Variants in CDH8 observed in about 807,000 individuals in gnomAD.
The protein encoded by CDH8 is cadherin-8.
A neutral mutation model predicts 68.1 loss-of-function variants in CDH8; 17 were observed. That is an observed-to-expected ratio of 0.25 (90% confidence interval 0.17 to 0.37). The LOEUF is 0.37. Ranked by LOEUF, CDH8 falls within the 10% of genes least tolerant of loss-of-function variation. CDH8 has a pLI of 1.00. For missense variants in CDH8, 763 were observed against 999.3 expected, an observed-to-expected ratio of 0.76 and a Z score of 3.19; for synonymous variants, 372 against 365.1, an observed-to-expected ratio of 1.02 and a Z score of -0.21.
intron 2 of CDH8, among the ~76,000 whole-genome samples, chr16:61,957,617 T>C (rs1965008380): frequency 6.6e-6 from 1 of 152,166 alleles, no homozygotes; most frequent in Non-Finnish European, 1.5e-5. Context: ...AACATACATA[T>C]GCTCACACAT....
chr16:61,973,261 A>G (rs1965375749), intron 2 of CDH8, among the ~76,000 whole-genome samples: 2 of 152,160 alleles, frequency 1.3e-5, no homozygotes, highest in South Asian at 4.1e-4. Context: ...ATCCACTTCC[A>G]CTTAATGAAT....
chr16:61,667,340 G>A (rs1310020539), intron 10 of CDH8: 2 of 151,968 alleles, frequency 1.3e-5, no homozygotes, highest in African/African-American at 4.8e-5. Flanking sequence ...GGATTCCTGT[G>A]GAAGTTCCTA....
chr16:62,015,110 T>C (rs1365483969), intron 2 of CDH8, among the ~76,000 whole-genome samples: 1 of 152,076 alleles, frequency 6.6e-6, no homozygotes, highest in Non-Finnish European at 1.5e-5. Flanking sequence ...AGCACTGACA[T>C]GACACTAGAA....
intron 7 of CDH8, among the ~76,000 whole-genome samples, chr16:61,801,234 G>C (rs1961619234): frequency 6.6e-6 from 1 of 152,112 alleles, no homozygotes; most frequent in East Asian, 1.9e-4. Flanking sequence ...CATGTAATTT[G>C]ATTATTATTT....
At chr16:61,745,977 A>T (rs1271415783) in intron 8 of CDH8, among the ~76,000 whole-genome samples, 1 of 152,102 alleles carries the variant, frequency 6.6e-6, no homozygotes, top group East Asian at 1.9e-4. Context: ...ATGTTTAGAT[A>T]GATCAATTTG....
intron 3 of CDH8, among the ~76,000 whole-genome samples, chr16:61,885,419 T>A (rs1396727253): frequency 6.6e-6 from 1 of 152,198 alleles, no homozygotes; most frequent in African/African-American, 2.4e-5. Context: ...TCTATGTTCA[T>A]GAGAAATCTA....
At chr16:61,885,649 A>T (rs1001727202) in intron 3 of CDH8, among the ~76,000 whole-genome samples, 1 of 151,300 alleles carries the variant, frequency 6.6e-6, no homozygotes, top group Non-Finnish European at 1.5e-5. Context: ...GAATTGTTTG[A>T]TATTATTTCA....
intron 10 of CDH8, 60 bp from the exon 11 acceptor site, chr16:61,655,781 C>G: frequency 6.8e-7 from 1 of 1,478,012 alleles, no homozygotes; most frequent in Admixed American, 1.7e-5. Flanking sequence ...CCAAATAACA[C>G]TTGTTTTTCT....
chr16:61,667,890 A>T (rs1470210867), intron 10 of CDH8, among the ~76,000 whole-genome samples: 1 of 152,048 alleles, frequency 6.6e-6, no homozygotes, highest in East Asian at 1.9e-4. Flanking sequence ...AAAAATTACA[A>T]CCTAGTTCAG....
chr16:61,811,781 G>A (rs1331923054), intron 7 of CDH8, among the ~76,000 whole-genome samples: 3 of 152,064 alleles, frequency 2.0e-5, no homozygotes, highest in Non-Finnish European at 4.4e-5. Flanking sequence ...ATTCTACTAA[G>A]AGATATAATC....
intron 8 of CDH8, among the ~76,000 whole-genome samples, chr16:61,784,818 A>G (rs549748548): frequency 1.2e-3 from 183 of 152,232 alleles, no homozygotes; most frequent in Admixed American, 1.4e-3. Context: ...GAAACTGAAC[A>G]ACCTGCTCCT....
intron 8 of CDH8, among the ~76,000 whole-genome samples, chr16:61,788,724 C>G (rs989849253): frequency 6.6e-6 from 1 of 151,840 alleles, no homozygotes; most frequent in Non-Finnish European, 1.5e-5. Flanking sequence ...TTTAACAACC[C>G]TAGACTCTCC....
At chr16:61,935,660 G>T (rs1297205557) in intron 2 of CDH8, among the ~76,000 whole-genome samples, 1 of 151,802 alleles carries the variant, frequency 6.6e-6, no homozygotes, top group Non-Finnish European at 1.5e-5. Flanking sequence ...TTGGCTTTAT[G>T]CTTATTATTT....
chr16:61,655,118 C>T (rs1963412677), intron 11 of CDH8, among the ~76,000 whole-genome samples: 1 of 152,194 alleles, frequency 6.6e-6, no homozygotes, highest in Non-Finnish European at 1.5e-5. Flanking sequence ...ATAGTAGAGC[C>T]TGCTGTTGCA....
chr16:61,721,713 G>T (rs554594469), intron 9 of CDH8, among the ~76,000 whole-genome samples: 1 of 150,906 alleles, frequency 6.6e-6, no homozygotes, highest in Non-Finnish European at 1.5e-5. Flanking sequence ...TATAAGAGAT[G>T]TGTCACACAG....
intron 10 of CDH8, among the ~76,000 whole-genome samples, chr16:61,706,222 G>T (rs886582769): frequency 6.6e-6 from 1 of 152,230 alleles, no homozygotes; most frequent in African/African-American, 2.4e-5. Context: ...GATAAGGGAA[G>T]CCAATACCTG....
intron 9 of CDH8, chr16:61,726,498 TCA>T (rs1959372922): frequency 1.3e-5 from 2 of 149,938 alleles, no homozygotes; most frequent in African/African-American, 4.9e-5. Flanking sequence ...TCCCTCTCTC[TCA>T]CTTTCTTTAT....
chr16:61,728,045 T>C (rs1404282202), intron 8 of CDH8, among the ~76,000 whole-genome samples: 1 of 151,120 alleles, frequency 6.6e-6, no homozygotes, highest in African/African-American at 2.4e-5. Context: ...GACTGTACCA[T>C]GTAATAATCT....
chr16:61,949,625 C>G (rs1230206703), intron 2 of CDH8, among the ~76,000 whole-genome samples: 1 of 151,974 alleles, frequency 6.6e-6, no homozygotes, highest in Non-Finnish European at 1.5e-5. Flanking sequence ...TGGAAGGAAC[C>G]AACTCTGGAC....
Sources: gnomAD v4.1 joint callset for allele counts (sites outside exome capture counted in the v4.1 genomes callset) on GRCh38, gnomAD v4.1.1 for gene constraint, MANE v1.5 for transcripts, NCBI Gene and HGNC (gene_info 2026-07-23, HGNC 2026-07-21) for gene names.